Variants in PBX3 observed in about 807,000 individuals in gnomAD.
PBX3 encodes the protein PBX homeobox 3.
Under a neutral mutation model 48.5 loss-of-function variants are expected in PBX3, and 14 were observed. The observed-to-expected ratio is 0.29, with a 90% CI of 0.19 to 0.45. The LOEUF (loss-of-function observed/expected upper bound fraction) is 0.45. Ranked by LOEUF, PBX3 falls within the 20% of genes least tolerant of loss-of-function variation. PBX3 has a pLI of 1.00. For missense variants in PBX3, 386 were observed against 546.7 expected (o/e 0.71, Z 2.93); for synonymous variants, 210 against 200.3 (o/e 1.05, Z -0.41).
At chr9:125,774,385 A>G (rs1044162492) in intron 2 of PBX3, among the ~76,000 whole-genome samples, 6 of 152,200 alleles carry the variant, frequency 3.9e-5, no homozygotes, top group African/African-American at 1.4e-4. Flanking sequence ...CATGTCACCT[A>G]TTAAGCAGTC....
Position 125,955,240 on chromosome 9 carries a change from G to GC in PBX3, c.844-5438dup, listed in dbSNP as rs535458620. Among the ~76,000 whole-genome samples, 639 of 151,650 alleles carry GC rather than the reference G, an allele frequency of 4.2e-3. 1 individual carries two copies. Among genetic ancestry groups the GC allele is most frequent in the Non-Finnish European group, 5.1e-3 (348 of 67,878 alleles). ...AGCAACACCTGGGGAGAACCTGCGA[G>GC]CCCCCCTTCAGGCTTTCCCTTGCCC... is the stretch of plus-strand genomic sequence containing the variant. On this transcript the variant is annotated intron_variant, in intron 5 of 8. Coordinates refer to ENST00000373489, the MANE Select transcript of PBX3 (RefSeq NM_006195.6).
intron 4 of PBX3, 100 bp downstream of exon 4, chr9:125,929,945 G>T: frequency 1.2e-6 from 1 of 860,918 alleles, no homozygotes; most frequent in East Asian, 2.4e-5. Context: ...GATTCTTTTG[G>T]CCATATGAGT....
At chr9:125,862,261 T>C (rs1198316008) in intron 2 of PBX3, among the ~76,000 whole-genome samples, 1 of 152,206 alleles carries the variant, frequency 6.6e-6, no homozygotes, top group Non-Finnish European at 1.5e-5. Context: ...CTGGTTGTGC[T>C]TGAAAACCTT....
chr9:125,757,956 T>A (rs1836565141), intron 2 of PBX3, among the ~76,000 whole-genome samples: 1 of 152,190 alleles, frequency 6.6e-6, no homozygotes, highest in South Asian at 2.1e-4. Context: ...GAGAAAAAAA[T>A]GAAGGAAAAT....
At chr9:125,762,424 CTTAG>C (rs530306931) in intron 2 of PBX3, among the ~76,000 whole-genome samples, 123 of 152,168 alleles carry the variant, frequency 8.1e-4, no homozygotes, top group East Asian at 2.1e-3. Flanking sequence ...AGAATATTTA[CTTAG>C]TTAGTATTCA....
At chr9:125,831,863 C>A (rs1207322307) in intron 2 of PBX3, among the ~76,000 whole-genome samples, 1 of 152,112 alleles carries the variant, frequency 6.6e-6, no homozygotes, top group African/African-American at 2.4e-5. Context: ...CCAAAACGTG[C>A]CAGGCTCATC....
At chr9:125,892,525 T>C (rs930618017) in intron 2 of PBX3, among the ~76,000 whole-genome samples, 1 of 152,172 alleles carries the variant, frequency 6.6e-6, no homozygotes, top group Non-Finnish European at 1.5e-5. Flanking sequence ...CAGATTATAG[T>C]GATATGAAGC....
At chr9:125,899,448 T>TAGAGAG (rs1234401973) in intron 2 of PBX3, among the ~76,000 whole-genome samples, 3 of 78,582 alleles carry the variant, frequency 3.8e-5, no homozygotes, top group African/African-American at 1.8e-4. Flanking sequence ...TGTGTATATA[T>TAGAGAG]ATATATAGAG....
intron 2 of PBX3, among the ~76,000 whole-genome samples, chr9:125,804,947 T>TA (rs547253775): frequency 0.029 from 1,573 of 53,482 alleles, 20 homozygotes; most frequent in South Asian, 0.08. Flanking sequence ...GGCTCTGTCT[T>TA]AAAAAAAAAA....
intron 2 of PBX3, among the ~76,000 whole-genome samples, chr9:125,880,185 C>T (rs186028316): frequency 6.6e-6 from 1 of 152,300 alleles, no homozygotes; most frequent in Admixed American, 6.5e-5. Flanking sequence ...GCTGGGATTA[C>T]AGGTGTGCAC....
intron 2 of PBX3, among the ~76,000 whole-genome samples, chr9:125,832,925 C>A (rs1839008054): frequency 6.6e-6 from 1 of 152,118 alleles, no homozygotes; most frequent in African/African-American, 2.4e-5. Flanking sequence ...GAAATGTCAT[C>A]TGTGGTTTAT....
At chr9:125,786,434 G>T (rs1245852257) in intron 2 of PBX3, among the ~76,000 whole-genome samples, 3 of 152,182 alleles carry the variant, frequency 2.0e-5, no homozygotes, top group African/African-American at 7.2e-5. Context: ...TAGTAGAATG[G>T]TGACATTTGA....
At chr9:125,924,538 G>A (rs1012206467) in intron 3 of PBX3, among the ~76,000 whole-genome samples, 5 of 152,118 alleles carry the variant, frequency 3.3e-5, no homozygotes, top group Non-Finnish European at 7.4e-5. Context: ...TTAACTTTTT[G>A]TACTCTGTTT....
chr9:125,791,468 A>G (rs1837607320), intron 2 of PBX3, among the ~76,000 whole-genome samples: 1 of 151,894 alleles, frequency 6.6e-6, no homozygotes, highest in Non-Finnish European at 1.5e-5. Context: ...TGATTGCATC[A>G]TGGGGGGAGA....
intron 2 of PBX3, among the ~76,000 whole-genome samples, chr9:125,765,496 T>A (rs1273993194): frequency 6.6e-6 from 1 of 152,066 alleles, no homozygotes; most frequent in Non-Finnish European, 1.5e-5. Context: ...CCTCCTGATA[T>A]CTGATAATAG....
At chr9:125,806,532 C>T (rs1838130366) in intron 2 of PBX3, among the ~76,000 whole-genome samples, 2 of 152,150 alleles carry the variant, frequency 1.3e-5, no homozygotes, top group Admixed American at 1.3e-4. Flanking sequence ...GGGGGCCTAG[C>T]TTGCTTTCTG....
At chr9:125,922,340 T>C (rs1409472879) in intron 3 of PBX3, among the ~76,000 whole-genome samples, 6 of 152,198 alleles carry the variant, frequency 3.9e-5, no homozygotes, top group African/African-American at 1.4e-4. Context: ...TTAACTGTTA[T>C]TGCAGTGTGT....
chr9:125,816,732 GTCTC>G (rs1250583999), intron 2 of PBX3, among the ~76,000 whole-genome samples: 2 of 152,170 alleles, frequency 1.3e-5, no homozygotes, highest in East Asian at 1.9e-4. Context: ...GTTTTAGTCT[GTCTC>G]TCTTTTTTGT....
At chr9:125,915,175 A>G (rs1841296921) in intron 2 of PBX3, among the ~76,000 whole-genome samples, 1 of 152,116 alleles carries the variant, frequency 6.6e-6, no homozygotes. Flanking sequence ...AAGCTCATCT[A>G]ATGTTGTTTA....
Sources: gnomAD v4.1 joint callset for allele counts (sites outside exome capture counted in the v4.1 genomes callset) on GRCh38, gnomAD v4.1.1 for gene constraint, MANE v1.5 for transcripts, NCBI Gene and HGNC (gene_info 2026-07-23, HGNC 2026-07-21) for gene names.